Variants in RSRC1 observed in about 807,000 individuals in gnomAD.
RSRC1 encodes serine/Arginine-related protein 53.
RSRC1 carries 39 observed loss-of-function variants against 49.1 expected under a neutral mutation model. The ratio of observed to expected loss-of-function variants is 0.79; its 90% CI spans 0.61 to 1.04. The LOEUF (loss-of-function observed/expected upper bound fraction) is 1.04, where lower values mean the gene tolerates loss of function less well. Among genes scored for constraint, RSRC1 ranks in the 50% least tolerant of loss-of-function variants. RSRC1 has a pLI of 0.00. For synonymous variants in RSRC1, 143 were observed against 130.8 expected, an observed-to-expected ratio of 1.09 and a Z score of -0.63; for missense variants, 388 against 402.4, an observed-to-expected ratio of 0.96 and a Z score of 0.31.
chr3:158,277,903 A>C (rs978226045), intron 4 of RSRC1, among the ~76,000 whole-genome samples: 15 of 152,146 alleles, frequency 9.9e-5, no homozygotes, highest in African/African-American at 3.1e-4. Flanking sequence ...CCTCTCACTC[A>C]GCCCCCACCT....
intron 3 of RSRC1, among the ~76,000 whole-genome samples, chr3:158,202,127 G>C (rs1262012956): frequency 6.6e-6 from 1 of 152,056 alleles, no homozygotes; most frequent in Non-Finnish European, 1.5e-5. Flanking sequence ...TGATTCTCCT[G>C]TTTCAGCTTC....
At chr3:158,369,684 T>A (rs1731963845) in intron 6 of RSRC1, among the ~76,000 whole-genome samples, 4 of 152,096 alleles carry the variant, frequency 2.6e-5, no homozygotes, top group Admixed American at 2.6e-4. Flanking sequence ...TTTCAGAAAA[T>A]TTTTGTAATG....
At chr3:158,324,235 A>ATTT (rs10632209) in intron 5 of RSRC1, among the ~76,000 whole-genome samples, 5 of 151,026 alleles carry the variant, frequency 3.3e-5, no homozygotes, top group Admixed American at 1.3e-4. Flanking sequence ...CATTGTGCAA[A>ATTT]TTTTTTTTTT....
chr3:158,122,160 A>G lies in RSRC1; in HGVS notation c.56A>G (p.Lys19Arg). The G allele has an allele frequency of 6.4e-7, 1 of 1,573,450 alleles. No homozygotes were observed. The highest frequency in any genetic ancestry group is 1.4e-5 in the African/African-American group (1 of 72,902). The change falls in exon 2 of 10, where the codon AAA becomes AGA. Residue 19 changes from lysine to arginine, a missense_variant. Lys to Arg is a conservative substitution (Grantham distance 26). Coordinates refer to ENST00000611884, the MANE Select transcript of RSRC1 (RefSeq NM_001271838.2). ...GAAAGCAGAAGCAAGAGAAAAAAGA[A>G]ACACCGTAGACGGTCCTCCTCGAGC... ...EEESRSKRKK[K>R]HRRRSSSSSS... is the part of the protein sequence containing the mutation.
chr3:158,315,290 A>G (rs947349893), intron 5 of RSRC1, among the ~76,000 whole-genome samples: 6 of 152,202 alleles, frequency 3.9e-5, no homozygotes, highest in African/African-American at 1.4e-4. Context: ...TAGGCTTAAT[A>G]AAACCTTGTA....
At chr3:158,115,666 G>A (rs1370151238) in intron 1 of RSRC1, among the ~76,000 whole-genome samples, 2 of 152,008 alleles carry the variant, frequency 1.3e-5, no homozygotes, top group Admixed American at 6.6e-5. Context: ...GAGAAAAGTG[G>A]CCTATTTTCC....
At chr3:158,385,689 TC>T (rs1732934118) in intron 6 of RSRC1, among the ~76,000 whole-genome samples, 1 of 152,190 alleles carries the variant, frequency 6.6e-6, no homozygotes, top group South Asian at 2.1e-4. Context: ...GCTCATGTTT[TC>T]TTTGTTGACC....
chr3:158,209,958 T>G (rs915364107), intron 4 of RSRC1, among the ~76,000 whole-genome samples: 1 of 152,158 alleles, frequency 6.6e-6, no homozygotes, highest in Admixed American at 6.6e-5. Context: ...TAGAGTTTCA[T>G]GTAATAAATT....
rs879508993 is a variant in RSRC1 at position 158,494,265 on chromosome 3, ATG to A, written c.652+33263_652+33264del. Among the ~76,000 whole-genome samples, 264 of 152,320 alleles carry A rather than the reference ATG, an allele frequency of 1.7e-3. 1 individual carries two copies. Among genetic ancestry groups the A allele is most frequent in the Non-Finnish European group, 3.2e-3 (218 of 68,026 alleles). On this transcript the variant is annotated intron_variant, in intron 7 of 9. Transcript: ENST00000611884. The stretch of plus-strand genomic sequence containing the variant: ...GCAAGTTACTCTGTAGGCATTCATA[ATG>A]CACTGGTAAATATTTGTGTCTCAAA...
chr3:158,241,411 T>G (rs1472683898), intron 4 of RSRC1, among the ~76,000 whole-genome samples: 1 of 152,076 alleles, frequency 6.6e-6, no homozygotes, highest in Non-Finnish European at 1.5e-5. Flanking sequence ...ATTATGCTAC[T>G]GCACTCCAGT....
At chr3:158,276,445 C>T in intron 4 of RSRC1, 1 of 695,350 alleles carries the variant, frequency 1.4e-6, no homozygotes, top group Non-Finnish European at 2.6e-6. Context: ...ATGGCTGCCG[C>T]CAGACAGAAA....
At chr3:158,156,337 G>A (rs781602637) in intron 3 of RSRC1, among the ~76,000 whole-genome samples, 7 of 152,124 alleles carry the variant, frequency 4.6e-5, no homozygotes, top group Non-Finnish European at 1.0e-4. Flanking sequence ...TTCGCTCAAG[G>A]GAATGTTATG....
intron 6 of RSRC1, among the ~76,000 whole-genome samples, chr3:158,405,424 G>T (rs930311965): frequency 4.6e-5 from 7 of 152,016 alleles, no homozygotes; most frequent in Admixed American, 2.0e-4. Context: ...GAAATTCTTT[G>T]TAGTATATAA....
At chr3:158,288,921 G>A (rs2108098169) in intron 4 of RSRC1, among the ~76,000 whole-genome samples, 1 of 140,494 alleles carries the variant, frequency 7.1e-6, no homozygotes, top group South Asian at 2.2e-4. Flanking sequence ...GACTGTACTA[G>A]CCTTGGTTTG....
At chr3:158,421,819 T>C (rs1329406401) in intron 6 of RSRC1, among the ~76,000 whole-genome samples, 1 of 151,860 alleles carries the variant, frequency 6.6e-6, no homozygotes, top group Admixed American at 6.6e-5. Context: ...GACCTTACCA[T>C]CATAAACAAC....
chr3:158,491,921 A>G (rs768991953), intron 7 of RSRC1, among the ~76,000 whole-genome samples: 2 of 152,144 alleles, frequency 1.3e-5, no homozygotes, highest in Non-Finnish European at 2.9e-5. Flanking sequence ...AGCATTTTTT[A>G]TGAGTTTTTT....
rs1578204544 is a variant in RSRC1, at chr3:158,214,566, T to A, written c.494+11321T>A. On this transcript the variant is annotated intron_variant, in intron 4 of 9. Coordinates refer to ENST00000611884, the MANE Select transcript of RSRC1 (RefSeq NM_001271838.2). The stretch of plus-strand genomic sequence containing the variant: ...CTTTTCTAATACAAGTGTTTAGTGA[T>A]ATAAATGTCTTTCTAAGCACTGCTT... Among the ~76,000 whole-genome samples, 3 of 151,962 alleles carry A rather than the reference T, an allele frequency of 2.0e-5. No homozygotes were observed. The Middle Eastern group carries it at 0.01, about 517-fold the overall frequency.
intron 7 of RSRC1, chr3:158,469,408 T>G (rs752132617): frequency 2.2e-6 from 1 of 444,928 alleles, no homozygotes; most frequent in Non-Finnish European, 4.5e-6. Context: ...ATGATGCATA[T>G]ATGATTCCTG....
At chr3:158,497,214 C>T (rs941819299) in intron 7 of RSRC1, among the ~76,000 whole-genome samples, 3 of 148,130 alleles carry the variant, frequency 2.0e-5, no homozygotes, top group Non-Finnish European at 3.0e-5. Context: ...CCCCTTCCCC[C>T]TCCCCCCTAG....
Sources: allele counts gnomAD v4.1 joint callset (sites outside exome capture counted in the v4.1 genomes callset), GRCh38; gene constraint gnomAD v4.1.1; transcripts MANE v1.5; gene names NCBI Gene and HGNC (gene_info 2026-07-23, HGNC 2026-07-21).